Variants in CHD9 observed in about 807,000 individuals in gnomAD.
CHD9 encodes chromodomain helicase DNA binding protein 9, also known as ATP-dependent chromatin remodeler CHD9.
A neutral mutation model predicts 316.1 loss-of-function variants in CHD9; 77 were observed. The ratio of observed to expected loss-of-function variants is 0.24; its 90% CI spans 0.20 to 0.29. CHD9 has a LOEUF of 0.29. Ranked by LOEUF, CHD9 falls within the 10% of genes least tolerant of loss-of-function variation. The pLI is 1.00. For synonymous variants in CHD9, 1,129 were observed against 1,158.3 expected, an observed-to-expected ratio of 0.97 and a Z score of 0.51; for missense variants, 2,763 against 3,438.1, an observed-to-expected ratio of 0.80 and a Z score of 4.91.
At chr16:53,104,954 C>A (rs1253165226) in intron 1 of CHD9, among the ~76,000 whole-genome samples, 1 of 151,844 alleles carries the variant, frequency 6.6e-6, no homozygotes. Context: ...CTGCCTCAGC[C>A]TCTCAAGTAG....
chr16:53,221,438 C>A (rs1270927255), intron 3 of CHD9, among the ~76,000 whole-genome samples: 1 of 152,068 alleles, frequency 6.6e-6, no homozygotes, highest in Non-Finnish European at 1.5e-5. Context: ...ATAAATCATA[C>A]CTGAAAGTAT....
At chr16:53,116,329 G>GGATTAT (rs2152635246) in intron 1 of CHD9, among the ~76,000 whole-genome samples, 1 of 152,210 alleles carries the variant, frequency 6.6e-6, no homozygotes, top group Non-Finnish European at 1.5e-5. Flanking sequence ...CAAAGTGCTG[G>GGATTAT]GATTATAGGC....
At chr16:53,088,356 C>A (rs2035652482) in intron 1 of CHD9, among the ~76,000 whole-genome samples, 1 of 148,786 alleles carries the variant, frequency 6.7e-6, no homozygotes, top group South Asian at 2.1e-4. Context: ...CAGCTCACTG[C>A]CAGCTCCGCC....
chr16:53,143,885 T>C lies in CHD9; in HGVS notation c.-164-12041T>C, dbSNP rs542114020. On this transcript the variant is annotated intron_variant, in intron 1 of 38. Transcript: ENST00000447540. ...AAAAATAAAGGAATGAGGGCAGTGA[T>C]ACGCCCACAGTTAATGTAATGACCT... 6.6e-5 allele frequency among the ~76,000 whole-genome samples: 10 copies of C among 152,344 alleles called. No individual in the cohort carries two copies. The East Asian group carries it at 1.9e-3, about 29-fold the overall frequency.
intron 1 of CHD9, among the ~76,000 whole-genome samples, chr16:53,118,848 A>G (rs1013257964): frequency 3.5e-5 from 5 of 141,888 alleles, no homozygotes; most frequent in African/African-American, 1.3e-4. Flanking sequence ...ACTGGAGTGC[A>G]GTGGCACAAT....
At chr16:53,238,731 T>C (rs1792060437) in intron 12 of CHD9, 145 bp downstream of exon 12, 4 of 879,216 alleles carry the variant, frequency 4.5e-6, no homozygotes, top group Non-Finnish European at 5.3e-6. Flanking sequence ...TCATTTTTAT[T>C]TTACAGTAAA....
chr16:53,141,964 T>C (rs2040149475), intron 1 of CHD9, among the ~76,000 whole-genome samples: 2 of 152,120 alleles, frequency 1.3e-5, no homozygotes, highest in Admixed American at 6.6e-5. Flanking sequence ...AGTGGAAACA[T>C]AGATTACCTA....
rs575904808 is a variant in CHD9 at position 53,083,793 on chromosome 16, C to G, written c.-165+28716C>G. ...AAAACCTGTCTCTCACTCTGTCACC[C>G]AGGCTGGAGTGCAGTGGCATGATCA... On this transcript the variant is annotated intron_variant, in intron 1 of 38. Coordinates refer to ENST00000447540, the MANE Select transcript of CHD9 (RefSeq NM_001308319.2). Among the ~76,000 whole-genome samples the G allele has an allele frequency of 1.4e-3, 213 of 152,154 alleles. 1 individual carries two copies. The highest frequency in any genetic ancestry group is 4.8e-3 in the African/African-American group (201 of 41,496).
intron 30 of CHD9, among the ~76,000 whole-genome samples, chr16:53,301,433 G>A (rs1312007942): frequency 2.0e-5 from 3 of 152,032 alleles, no homozygotes; most frequent in Non-Finnish European, 4.4e-5. Context: ...TGAATAATTA[G>A]GTCTGACAAC....
At chr16:53,259,355 G>A (rs1343263336) in intron 19 of CHD9, among the ~76,000 whole-genome samples, 1 of 152,036 alleles carries the variant, frequency 6.6e-6, no homozygotes, top group Non-Finnish European at 1.5e-5. Context: ...ATTATCAATA[G>A]TTATATGATA....
chr16:53,213,425 T>C (rs1354090450), intron 3 of CHD9, among the ~76,000 whole-genome samples: 1 of 152,140 alleles, frequency 6.6e-6, no homozygotes, highest in Non-Finnish European at 1.5e-5. Context: ...AGGTACATAA[T>C]AGATGCTCCA....
intron 2 of CHD9, among the ~76,000 whole-genome samples, chr16:53,176,152 A>G (rs1035932740): frequency 2.1e-4 from 32 of 152,328 alleles, no homozygotes; most frequent in Admixed American, 9.2e-4. Flanking sequence ...CAAGATGTCA[A>G]TAGGGTTGCA....
At chr16:53,081,609 T>C (rs1053694250) in intron 1 of CHD9, among the ~76,000 whole-genome samples, 2 of 152,264 alleles carry the variant, frequency 1.3e-5, no homozygotes, top group Admixed American at 1.3e-4. Context: ...TCCCCTCAAG[T>C]TGGGGGTTTG....
intron 1 of CHD9, among the ~76,000 whole-genome samples, chr16:53,068,321 A>G (rs933408471): frequency 1.1e-4 from 16 of 152,090 alleles, no homozygotes; most frequent in African/African-American, 3.4e-4. Context: ...TCCAAACACC[A>G]CTTTTCAAGG....
At position 53,306,480 on chromosome 16, in the gene CHD9, G is replaced by A. The variant is rs532542841; in HGVS notation, c.6780+83G>A. On this transcript the variant is annotated intron_variant, in intron 32 of 38. Transcript: ENST00000447540. ...TCAATGGTAGATATTCTTACTATGT[G>A]GAAACATAGGTCAGCGTAAAATGTA... 1.2e-5 allele frequency: 14 copies of A among 1,130,090 alleles called. No homozygotes were observed. The African/African-American group carries it at 2.1e-4, about 17-fold the overall frequency. The allele number at this position is 1,130,090 out of a possible 1,614,324, so 70.0% of individuals were successfully genotyped here.
Position 53,243,021 on chromosome 16 carries a change from GTAACT to G in CHD9, c.3054+9_3054+13del. 1 of 1,569,002 alleles carries G rather than the reference GTAACT, an allele frequency of 6.4e-7. No individual in the cohort carries two copies. The highest frequency in any genetic ancestry group is 8.7e-7 in the Non-Finnish European group (1 of 1,143,858). ...GGCCTGAAACTCATGAATCTGGTAAGTAACTTAATATTATCATTATGACAATTGAG... is the reference window on the plus strand; with the variant it reads ...GGCCTGAAACTCATGAATCTGGTAAGTAATATTATCATTATGACAATTGAG... On this transcript the variant is annotated splice_donor_region_variant and intron_variant, in intron 13 of 38. Coordinates refer to ENST00000447540, the MANE Select transcript of CHD9 (RefSeq NM_001308319.2).
chr16:53,251,733 A>C (rs960373437), intron 17 of CHD9, among the ~76,000 whole-genome samples: 2 of 152,240 alleles, frequency 1.3e-5, no homozygotes, highest in African/African-American at 4.8e-5. Context: ...GTCAGAACTC[A>C]AGATAAAATA....
Position 53,238,408 on chromosome 16 carries a change from A to T in CHD9, c.2699A>T (p.Tyr900Phe), listed in dbSNP as rs370605180. ...ACTATTCAATCAATTACATTCCTCTATGAAATCCTTCTGACTGGTATAAGA... is the reference window on the plus strand; with the variant it reads ...ACTATTCAATCAATTACATTCCTCTTTGAAATCCTTCTGACTGGTATAAGA... ...GKTIQSITFL[Y>F]EILLTGIRGP... Residue 900 changes from tyrosine (Y) to phenylalanine (F), a missense_variant, in exon 12 of 39, where the codon TAT becomes TTT. Tyr to Phe is a conservative substitution (Grantham distance 22). This residue lies in a region of CHD9 where 186 missense variants were observed against 245.0 expected (regional missense o/e 0.76). Coordinates refer to ENST00000447540, the MANE Select transcript of CHD9 (RefSeq NM_001308319.2). 5 of 1,612,902 alleles carry T rather than the reference A, an allele frequency of 3.1e-6. No homozygotes were observed. Among genetic ancestry groups the T allele is most frequent in the South Asian group, 1.1e-5 (1 of 91,054 alleles).
At chr16:53,078,520 C>G (rs937254547) in intron 1 of CHD9, among the ~76,000 whole-genome samples, 1 of 152,166 alleles carries the variant, frequency 6.6e-6, no homozygotes, top group African/African-American at 2.4e-5. Context: ...CATTTCTGTT[C>G]ATTGTAAATT....
Sources: gnomAD v4.1 joint callset for allele counts (sites outside exome capture counted in the v4.1 genomes callset) on GRCh38, gnomAD v4.1.1 for gene constraint, gnomAD v4.1.1 regional missense constraint, MANE v1.5 for transcripts, NCBI Gene and HGNC (gene_info 2026-07-23, HGNC 2026-07-21) for gene names.